AGBL3: variants seen among roughly 807,000 people sequenced by gnomAD.
AGBL3 encodes the protein AGBL carboxypeptidase 3.
Under a neutral mutation model 94.5 loss-of-function variants are expected in AGBL3, and 68 were observed. That is an observed-to-expected ratio of 0.72 (90% CI 0.59 to 0.88). The LOEUF is 0.88. Among genes scored for constraint, AGBL3 ranks in the 40% least tolerant of loss-of-function variants. The pLI is 0.00. For synonymous variants in AGBL3, 354 were observed against 370.7 expected, an observed-to-expected ratio of 0.95 and a Z score of 0.52; for missense variants, 934 against 1,103.8, an observed-to-expected ratio of 0.85 and a Z score of 2.18.
At chr7:135,090,290 C>T (rs1463584570) in intron 15 of AGBL3, among the ~76,000 whole-genome samples, 1 of 152,146 alleles carries the variant, frequency 6.6e-6, no homozygotes, top group East Asian at 1.9e-4. Flanking sequence ...CCCTAGAGGG[C>T]CCAGCAGAGC....
chr7:135,124,522 A>T (rs189635282), intron 16 of AGBL3, among the ~76,000 whole-genome samples: 137 of 152,344 alleles, frequency 9.0e-4, no homozygotes, highest in Non-Finnish European at 8.7e-4. Flanking sequence ...TCAGGACTTG[A>T]ACTCTCAGCT....
At chr7:135,109,710 A>G (rs1246179875) in intron 15 of AGBL3, among the ~76,000 whole-genome samples, 1 of 152,160 alleles carries the variant, frequency 6.6e-6, no homozygotes, top group East Asian at 1.9e-4. Context: ...CCTCCCAGTG[A>G]AGAGAAATGG....
intron 11 of AGBL3, among the ~76,000 whole-genome samples, chr7:135,052,617 C>A (rs1161778792): frequency 2.6e-5 from 4 of 152,012 alleles, no homozygotes; most frequent in Admixed American, 2.0e-4. Context: ...TTGTTTCCAT[C>A]TTTACATCCA....
intron 4 of AGBL3, among the ~76,000 whole-genome samples, chr7:135,005,629 G>T (rs1486224536): frequency 6.6e-6 from 1 of 151,664 alleles, no homozygotes; most frequent in Non-Finnish European, 1.5e-5. Context: ...AAAGGCTAAA[G>T]AACTAAAATA....
At chr7:135,030,455 A>T (rs1027908039) in intron 5 of AGBL3, among the ~76,000 whole-genome samples, 3 of 152,188 alleles carry the variant, frequency 2.0e-5, no homozygotes, top group Non-Finnish European at 4.4e-5. Context: ...GGAAAATCAT[A>T]AGTCAAACCA....
chr7:135,054,418 T>G (rs1389692517), intron 11 of AGBL3, among the ~76,000 whole-genome samples: 1 of 152,230 alleles, frequency 6.6e-6, no homozygotes, highest in Non-Finnish European at 1.5e-5. Context: ...TAAGGAAATG[T>G]AGAAGTTTCT....
chr7:135,003,155 C>T (rs770257494), intron 4 of AGBL3, among the ~76,000 whole-genome samples: 1 of 152,078 alleles, frequency 6.6e-6, no homozygotes, highest in Admixed American at 6.6e-5. Context: ...TTTGATCCAT[C>T]AGGAATCCAT....
intron 4 of AGBL3, among the ~76,000 whole-genome samples, chr7:135,004,771 GT>G (rs1812178626): frequency 6.6e-6 from 1 of 151,416 alleles, no homozygotes; most frequent in East Asian, 1.9e-4. Context: ...TTTACATTGT[GT>G]TTTTGCATTC....
intron 4 of AGBL3, among the ~76,000 whole-genome samples, chr7:134,998,744 T>A (rs947314135): frequency 1.3e-5 from 2 of 152,190 alleles, no homozygotes; most frequent in African/African-American, 4.8e-5. Flanking sequence ...CCATAGCAAT[T>A]CCGACATAAA....
intron 4 of AGBL3, among the ~76,000 whole-genome samples, chr7:135,005,962 T>C (rs1232894344): frequency 1.3e-5 from 2 of 151,908 alleles, no homozygotes; most frequent in Non-Finnish European, 3.0e-5. Flanking sequence ...AAATGAATCA[T>C]AGATTTAAAT....
chr7:135,009,146 A>G (rs1345698360), intron 4 of AGBL3, among the ~76,000 whole-genome samples: 1 of 152,250 alleles, frequency 6.6e-6, no homozygotes, highest in Non-Finnish European at 1.5e-5. Context: ...AGAGAAATGA[A>G]AACATATATC....
intron 15 of AGBL3, among the ~76,000 whole-genome samples, chr7:135,108,820 A>G (rs11977636): frequency 0.037 from 5,602 of 152,246 alleles, 331 homozygotes; most frequent in African/African-American, 0.13. Flanking sequence ...AGGGATGCAA[A>G]TGATTCATAA....
intron 4 of AGBL3, among the ~76,000 whole-genome samples, chr7:135,012,812 G>A (rs571672327): frequency 1.3e-5 from 2 of 152,090 alleles, no homozygotes; most frequent in South Asian, 2.1e-4. Context: ...AGACCTAAAC[G>A]AAGCTATATA....
At chr7:135,033,266 T>G (rs1815965677) in intron 6 of AGBL3, among the ~76,000 whole-genome samples, 1 of 152,194 alleles carries the variant, frequency 6.6e-6, no homozygotes, top group Non-Finnish European at 1.5e-5. Flanking sequence ...TGTATTGAAA[T>G]AGTTCTTGGG....
At chr7:135,051,795 CT>C (rs764223292) in intron 11 of AGBL3, among the ~76,000 whole-genome samples, 1 of 151,942 alleles carries the variant, frequency 6.6e-6, no homozygotes, top group Non-Finnish European at 1.5e-5. Flanking sequence ...CTGCTTCTTC[CT>C]TTTCCTATCA....
intron 12 of AGBL3, among the ~76,000 whole-genome samples, chr7:135,073,169 T>C (rs1459971306): frequency 6.6e-6 from 1 of 151,908 alleles, no homozygotes; most frequent in East Asian, 1.9e-4. Context: ...TAGTCAAGGG[T>C]ATAAACTTGC....
chr7:135,032,956 T>G lies in AGBL3; in HGVS notation c.531T>G (p.Ser177Arg), dbSNP rs1815926192. The change falls in exon 6 of 17, where the codon AGT becomes AGG. Residue 177 changes from serine (S) to arginine (R), a missense_variant. Physicochemically the swap from Ser to Arg is moderately radical, Grantham distance 110 (BLOSUM62 -1). Coordinates refer to ENST00000436302, the MANE Select transcript of AGBL3 (RefSeq NM_178563.4). ...TGATGTTTGAAGCAAGGTTTGAGAG[T>G]GGTAATCTACAGAAGGTAGTCAAAG... The part of the protein sequence containing the change: ...NTLMFEARFE[S>R]GNLQKVVKVA... The G allele has an allele frequency of 1.3e-6, 2 of 1,550,588 alleles. No individual in the cohort carries two copies. Among genetic ancestry groups the G allele is most frequent in the Admixed American group, 3.9e-5 (2 of 50,854 alleles).
chr7:135,025,913 C>T lies in AGBL3; in HGVS notation c.419-6931C>T, dbSNP rs1050555873. Among the ~76,000 whole-genome samples, 7 of 32,570 alleles carry T rather than the reference C, an allele frequency of 2.1e-4. No individual in the cohort carries two copies. The South Asian group carries it at 6.5e-3, about 30-fold the overall frequency. The allele number at this position is 32,570 out of a possible 152,430, so 21.4% of individuals were successfully genotyped here. A position where few individuals can be genotyped will look rare whatever the true frequency, so the allele number is the denominator to read the frequency against. On this transcript the variant is annotated intron_variant, in intron 5 of 16. Transcript: ENST00000436302. Reference sequence around the variant, plus strand: ...TAAATATATATAAACCCAACAATGGCGCATCGTTTCATAAAAGTTCTTCTT... The same window carrying T: ...TAAATATATATAAACCCAACAATGGTGCATCGTTTCATAAAAGTTCTTCTT...
At chr7:135,047,056 A>G (rs1438011379) in intron 11 of AGBL3, among the ~76,000 whole-genome samples, 1 of 152,018 alleles carries the variant, frequency 6.6e-6, no homozygotes, top group Non-Finnish European at 1.5e-5. Flanking sequence ...GCTTAACTGA[A>G]AGTCCCATTC....
Sources: gnomAD v4.1 joint callset for allele counts (sites outside exome capture counted in the v4.1 genomes callset) on GRCh38, gnomAD v4.1.1 for gene constraint, MANE v1.5 for transcripts, NCBI Gene and HGNC (gene_info 2026-07-23, HGNC 2026-07-21) for gene names.